Variants in TMEM169 observed in about 807,000 individuals in gnomAD.
TMEM169 encodes the protein transmembrane protein 169.
A neutral mutation model predicts 27.3 loss-of-function variants in TMEM169; 18 were observed. That is an observed-to-expected ratio of 0.66 (90% CI 0.46 to 0.98). The LOEUF (loss-of-function observed/expected upper bound fraction) is 0.98. Among genes scored for constraint, TMEM169 ranks in the 50% least tolerant of loss-of-function variants. TMEM169 has a pLI of 0.00. For synonymous variants in TMEM169, 136 were observed against 142.1 expected (o/e 0.96, Z 0.30); for missense variants, 320 against 368.6 (o/e 0.87, Z 1.08).
At position 216,100,021 on chromosome 2, in the gene TMEM169, A is replaced by T. The variant is rs762549671; in HGVS notation, c.373A>T (p.Thr125Ser). ...GQMVDIHVTL[T>S]EKELQELTKP... ...GATGGTGGACATCCATGTCACATTG[A>T]CAGAGAAAGAGCTGCAGGAACTGAC... The change falls in exon 3 of 3, where the codon ACA (threonine) becomes TCA (serine). Residue 125 changes from threonine (T) to serine (S), a missense_variant. Physicochemically the swap from Thr to Ser is moderately conservative, Grantham distance 58. Transcript: ENST00000437356. The T allele has an allele frequency of 1.2e-6, 2 of 1,614,174 alleles. No homozygotes were observed. Among genetic ancestry groups the T allele is most frequent in the South Asian group, 2.2e-5 (2 of 91,082 alleles).
chr2:216,095,339 C>T (rs1696239785), intron 1 of TMEM169, among the ~76,000 whole-genome samples: 1 of 151,938 alleles, frequency 6.6e-6, no homozygotes, highest in African/African-American at 2.4e-5. Flanking sequence ...CCACCCGCCT[C>T]GGCCTCTCAA....
rs1696326453 is a variant in TMEM169 at position 216,099,049 on chromosome 2, T to A, written c.272-871T>A. ...TTTGTGTGCATGTATGCTGTGTGTA[T>A]GTGTGGTGTGTGTGATGTGTATGTG... is the stretch of plus-strand genomic sequence containing the variant. On this transcript the variant is annotated intron_variant, in intron 2 of 2. Transcript: ENST00000437356. The surrounding 1 kb of genome is among the most constrained non-coding windows in gnomAD (Gnocchi z 5.0). 6.8e-6 allele frequency among the ~76,000 whole-genome samples: 1 copy of A among 146,890 alleles called. No individual in the cohort carries two copies. The highest frequency in any genetic ancestry group is 1.5e-5 in the Non-Finnish European group (1 of 67,264).
Position 216,099,943 on chromosome 2 carries a change from A to T in TMEM169, c.295A>T (p.Ser99Cys), listed in dbSNP as rs377120029. Residue 99 changes from serine (S) to cysteine (C), a missense_variant, in exon 3 of 3, where the codon AGC becomes TGC. Ser to Cys is a moderately radical substitution (Grantham distance 112, BLOSUM62 -1). Coordinates refer to ENST00000437356, the MANE Select transcript of TMEM169 (RefSeq NM_001142311.2). The surrounding 1 kb of genome is among the most constrained non-coding windows in gnomAD (Gnocchi z 5.0). Reference protein sequence around the residue: ...DDDMWNLPLDSRYVTLTGTIT... With the variant: ...DDDMWNLPLDCRYVTLTGTIT... Reference sequence around the variant, plus strand: ...AGATATGTGGAACCTGCCTCTGGACAGCCGCTACGTCACCTTAACTGGGAC... The same window carrying T: ...AGATATGTGGAACCTGCCTCTGGACTGCCGCTACGTCACCTTAACTGGGAC... The T allele has an allele frequency of 3.1e-6, 5 of 1,613,644 alleles. No individual in the cohort carries two copies. The highest frequency in any genetic ancestry group is 4.2e-6 in the Non-Finnish European group (5 of 1,179,818).
Position 216,088,829 on chromosome 2 carries a change from C to T in TMEM169, c.-127+6850C>T, listed in dbSNP as rs543924989. 7.4e-4 allele frequency among the ~76,000 whole-genome samples: 112 copies of T among 152,180 alleles called. 1 individual carries two copies. Among genetic ancestry groups the T allele is most frequent in the Non-Finnish European group, 3.2e-4 (22 of 67,994 alleles). ...TATCCCTTTCTCCTTTCCTTTCCCCCTTCTCCTTTTTTCTCGGTAACACTG... is the reference window on the plus strand; with the variant it reads ...TATCCCTTTCTCCTTTCCTTTCCCCTTTCTCCTTTTTTCTCGGTAACACTG... On this transcript the variant is annotated intron_variant, in intron 1 of 2. Transcript: ENST00000437356.
Position 216,102,285 on chromosome 2 carries a change from T to C in TMEM169, c.*1743T>C, listed in dbSNP as rs1020750459. ...ACCTTTCTGAGTTTAACCACAGACA[T>C]GATCTTTGCTGTGCTGAGAAACTTG... is the stretch of plus-strand genomic sequence containing the variant. On this transcript the variant is annotated 3_prime_UTR_variant, in exon 3 of 3. Transcript: ENST00000437356. The C allele has an allele frequency of 2.6e-5, 4 of 152,270 alleles. No homozygotes were observed. The highest frequency in any genetic ancestry group is 4.1e-4 in the South Asian group (2 of 4,824). 9.4% of individuals were successfully genotyped at this position (152,270 alleles called of 1,614,324 possible). A position where few individuals can be genotyped will look rare whatever the true frequency, so the allele number is the denominator to read the frequency against.
At chr2:216,094,066 A>C (rs1696203620) in intron 1 of TMEM169, among the ~76,000 whole-genome samples, 1 of 152,206 alleles carries the variant, frequency 6.6e-6, no homozygotes, top group South Asian at 2.1e-4. Flanking sequence ...AATGGTGTAC[A>C]TGTGGCAGTA....
At chr2:216,097,267 G>C (rs1420176577) in intron 2 of TMEM169, among the ~76,000 whole-genome samples, 1 of 152,190 alleles carries the variant, frequency 6.6e-6, no homozygotes. Context: ...TGGGCACGGT[G>C]GCTCACACCT....
At chr2:216,090,674 C>G (rs1475415619) in intron 1 of TMEM169, among the ~76,000 whole-genome samples, 1 of 152,186 alleles carries the variant, frequency 6.6e-6, no homozygotes, top group African/African-American at 2.4e-5. Context: ...ATTCTATAGG[C>G]AGGAAGCAGG....
chr2:216,088,874 T>G (rs1186028868), intron 1 of TMEM169, among the ~76,000 whole-genome samples: 2 of 152,210 alleles, frequency 1.3e-5, no homozygotes, highest in Non-Finnish European at 2.9e-5. Flanking sequence ...CTGCTGTAAA[T>G]AAAGATGAGT....
At chr2:216,086,630 G>A (rs1297402169) in intron 1 of TMEM169, among the ~76,000 whole-genome samples, 1 of 152,166 alleles carries the variant, frequency 6.6e-6, no homozygotes, top group Non-Finnish European at 1.5e-5. Context: ...AGTTGTTTAT[G>A]TCATATTTCT....
At chr2:216,082,145 A>C (rs2105975807) in intron 1 of TMEM169, 166 bp downstream of exon 1, 1 of 170,164 alleles carries the variant, frequency 5.9e-6, no homozygotes, top group East Asian at 1.9e-4. Flanking sequence ...TTAAATCTCC[A>C]GTGCAGCTGG....
At chr2:216,092,625 C>T (rs774567421) in intron 1 of TMEM169, among the ~76,000 whole-genome samples, 1 of 152,188 alleles carries the variant, frequency 6.6e-6, no homozygotes, top group African/African-American at 2.4e-5. Context: ...ATTTCTGTCT[C>T]CCTTCTGAAC....
intron 1 of TMEM169, among the ~76,000 whole-genome samples, chr2:216,087,229 C>A (rs1220277560): frequency 6.6e-6 from 1 of 152,144 alleles, no homozygotes; most frequent in African/African-American, 2.4e-5. Flanking sequence ...CGGAGAGCCT[C>A]AAACACCAGA....
intron 1 of TMEM169, among the ~76,000 whole-genome samples, chr2:216,093,081 GATATAC>G (rs1218240637): frequency 4.6e-5 from 7 of 150,918 alleles, no homozygotes; most frequent in East Asian, 1.9e-4. Flanking sequence ...TACATATATA[GATATAC>G]ATATATATGT....
At chr2:216,093,342 G>A (rs1696183895) in intron 1 of TMEM169, among the ~76,000 whole-genome samples, 1 of 152,096 alleles carries the variant, frequency 6.6e-6, no homozygotes, top group Admixed American at 6.6e-5. Context: ...GTCCTCTGGA[G>A]CTATTTACCT....
At position 216,095,928 on chromosome 2, in the gene TMEM169, A is replaced by G; in HGVS notation, c.-36A>G. The G allele has an allele frequency of 6.3e-7, 1 of 1,582,436 alleles. No individual in the cohort carries two copies. Among genetic ancestry groups the G allele is most frequent in the Non-Finnish European group, 8.6e-7 (1 of 1,164,968 alleles). ...CTGTGAGTTTACTCAAACAAGTCCA[A>G]CTCTTTATAAGACATAGGTAGACGT... On this transcript the variant is annotated 5_prime_UTR_variant, in exon 2 of 3. Transcript: ENST00000437356.
chr2:216,092,778 C>G (rs1696163899), intron 1 of TMEM169, among the ~76,000 whole-genome samples: 1 of 146,608 alleles, frequency 6.8e-6, no homozygotes, highest in African/African-American at 2.8e-5. Context: ...AAAGAAGGCC[C>G]TTCACAAGCT....
At position 216,100,641 on chromosome 2, in the gene TMEM169, G is replaced by C; in HGVS notation, c.*99G>C. 2 of 1,506,258 alleles carry C rather than the reference G, an allele frequency of 1.3e-6. No individual in the cohort carries two copies. The highest frequency in any genetic ancestry group is 1.8e-6 in the Non-Finnish European group (2 of 1,108,596). 93.3% of individuals were successfully genotyped at this position (1,506,258 alleles called of 1,614,324 possible). ...TTTAAATTACCCCCTACTCTCCGCA[G>C]TTCTTCTGGGAAATCAGAGTCCATA... is the stretch of plus-strand genomic sequence containing the variant. On this transcript the variant is annotated 3_prime_UTR_variant, in exon 3 of 3. Transcript: ENST00000437356.
rs547127030 is a variant in TMEM169 at position 216,099,651 on chromosome 2, C to T, written c.272-269C>T. 2.1e-4 allele frequency among the ~76,000 whole-genome samples: 32 copies of T among 152,190 alleles called. No homozygotes were observed. The highest frequency in any genetic ancestry group is 1.6e-3 in the Admixed American group (25 of 15,288). On this transcript the variant is annotated intron_variant, in intron 2 of 2. Transcript: ENST00000437356. This position sits in a 1 kb window ranked among gnomAD's most constrained non-coding sequence, Gnocchi z 5.0. Reference sequence around the variant, plus strand: ...GTGCCAAGATTGAGGCCCCAAAAAGCGGAGAGAGTAGGTGAAAAGCTTAAC... The same window carrying T: ...GTGCCAAGATTGAGGCCCCAAAAAGTGGAGAGAGTAGGTGAAAAGCTTAAC...
Sources: gnomAD v4.1 joint callset for allele counts (sites outside exome capture counted in the v4.1 genomes callset) on GRCh38, gnomAD v4.1.1 for gene constraint, Gnocchi (gnomAD v3.1) non-coding constraint, MANE v1.5 for transcripts, NCBI Gene and HGNC (gene_info 2026-07-23, HGNC 2026-07-21) for gene names.